The following ATPSCKMT variants were observed in gnomAD, a reference collection of about 807,000 sequenced individuals.
ATPSCKMT encodes ATP synthase c subunit lysine N-methyltransferase.
Under a neutral mutation model 24.3 loss-of-function variants are expected in ATPSCKMT, and 24 were observed. The observed-to-expected ratio is 0.99, with a 90% confidence interval of 0.71 to 1.39. The LOEUF (loss-of-function observed/expected upper bound fraction) is 1.39, where lower values mean the gene tolerates loss of function less well. ATPSCKMT is among the 40% of genes most tolerant of loss of function. ATPSCKMT has a pLI of 0.00. For missense variants in ATPSCKMT, 311 were observed against 298.4 expected, an observed-to-expected ratio of 1.04 and a Z score of -0.31; for synonymous variants, 95 against 110.5, an observed-to-expected ratio of 0.86 and a Z score of 0.88.
Position 10,227,366 on chromosome 5 carries a change from G to C in ATPSCKMT, c.*75C>G, listed in dbSNP as rs1579415886. ...AAACCAAAGACAATTATGCTCCTTT[G>C]CTAAGGACACAGCTGTAAGTCTCTA... On this transcript the variant is annotated 3_prime_UTR_variant, in exon 5 of 5. Transcript: ENST00000511437. 2.7e-6 allele frequency: 4 copies of C among 1,477,762 alleles called. No individual in the cohort carries two copies. In the East Asian group the frequency reaches 9.1e-5, roughly 34 times the overall value. The allele number at this position is 1,477,762 out of a possible 1,614,324, so 91.5% of individuals were successfully genotyped here.
chr5:10,235,257 G>A lies in ATPSCKMT; in HGVS notation c.449C>T (p.Thr150Ile). ...AACAACGTTCGAGTACTGCGAAAAA[G>A]TAACCTGAACAAGGTGGGAAAATAA... is the stretch of plus-strand genomic sequence containing the variant. ...KFYISDLWKV[T>I]FSQYSNVVIF... The change falls in exon 4 of 5, where the codon ACT (threonine) becomes ATT (isoleucine). Residue 150 changes from threonine to isoleucine, a missense_variant. Coordinates refer to ENST00000511437, the MANE Select transcript of ATPSCKMT (RefSeq NM_199133.4). 1.2e-6 allele frequency: 2 copies of A among 1,613,130 alleles called. No individual in the cohort carries two copies. The highest frequency in any genetic ancestry group is 1.7e-6 in the Non-Finnish European group (2 of 1,179,362).
chr5:10,235,162 C>A (rs770973695), intron 4 of ATPSCKMT, 49 bp downstream of exon 4: 1 of 1,592,954 alleles, frequency 6.3e-7, no homozygotes, highest in African/African-American at 1.3e-5. Context: ...CTGGAAGGGC[C>A]TTCAACATCA....
At chr5:10,232,641 C>G (rs1181813499) in intron 4 of ATPSCKMT, among the ~76,000 whole-genome samples, 1 of 152,244 alleles carries the variant, frequency 6.6e-6, no homozygotes, top group Non-Finnish European at 1.5e-5. Flanking sequence ...CCAGGGAGAC[C>G]ACAGTCAGAA....
intron 1 of ATPSCKMT, among the ~76,000 whole-genome samples, chr5:10,240,704 C>T (rs999963016): frequency 2.0e-5 from 3 of 152,088 alleles, no homozygotes; most frequent in South Asian, 2.1e-4. Context: ...CTTAAAATAA[C>T]ACCATTTATG....
intron 4 of ATPSCKMT, among the ~76,000 whole-genome samples, chr5:10,230,996 T>C (rs888889962): frequency 8.3e-6 from 1 of 120,446 alleles, no homozygotes; most frequent in Non-Finnish European, 2.0e-5. Context: ...CCAGACTCCT[T>C]CTCACCCACC....
intron 3 of ATPSCKMT, 72 bp downstream of exon 3, chr5:10,236,406 C>T: frequency 2.0e-6 from 3 of 1,513,010 alleles, no homozygotes; most frequent in Non-Finnish European, 2.7e-6. Context: ...TTTTTCAGTT[C>T]TCAGTCATAC....
At chr5:10,245,429 T>A (rs1253672649) in intron 1 of ATPSCKMT, among the ~76,000 whole-genome samples, 6 of 150,746 alleles carry the variant, frequency 4.0e-5, no homozygotes, top group African/African-American at 1.2e-4. Context: ...CAAAAAATAA[T>A]AATAAAATAA....
At position 10,235,238 on chromosome 5, in the gene ATPSCKMT, G is replaced by A. The variant is rs77838966; in HGVS notation, c.468C>T (p.Asn156=). Residue 156 remains asparagine, a synonymous_variant, in exon 4 of 5, where the codon AAC becomes AAT. Coordinates refer to ENST00000511437, the MANE Select transcript of ATPSCKMT (RefSeq NM_199133.4). ...TCTGAGGCACACCGAAAATAACAACGTTCGAGTACTGCGAAAAAGTAACCT... is the reference window on the plus strand; with the variant it reads ...TCTGAGGCACACCGAAAATAACAACATTCGAGTACTGCGAAAAAGTAACCT... The part of the protein sequence containing the change: ...LWKVTFSQYS[N]VVIFGVPQMM... 2,242 of 1,613,618 alleles carry A rather than the reference G, an allele frequency of 1.4e-3. 31 individuals are homozygous for A. In the African/African-American group the frequency reaches 0.026, roughly 19 times the overall value.
At chr5:10,229,921 C>T (rs1744046379) in intron 4 of ATPSCKMT, among the ~76,000 whole-genome samples, 1 of 152,234 alleles carries the variant, frequency 6.6e-6, no homozygotes, top group African/African-American at 2.4e-5. Flanking sequence ...TCCTTACATT[C>T]AGGCTTAACA....
chr5:10,227,527 C>G lies in ATPSCKMT; in HGVS notation c.616G>C (p.Val206Leu), dbSNP rs996739523. 1 of 1,614,106 alleles carries G rather than the reference C, an allele frequency of 6.2e-7. No individual in the cohort carries two copies. The highest frequency in any genetic ancestry group is 1.3e-5 in the African/African-American group (1 of 74,926). The stretch of plus-strand genomic sequence containing the variant: ...AAAGTGCTTGCATCATATGCCCACA[C>G]TGTGTCTATCCCCTCCCCCGTGACG... ...DHVTGEGIDT[V>L]WAYDASTFRG... is the part of the protein sequence containing the mutation. Residue 206 changes from valine (V) to leucine (L), a missense_variant, in exon 5 of 5, where the codon GTG becomes CTG. Val to Leu is a conservative substitution (Grantham distance 32). Coordinates refer to ENST00000511437, the MANE Select transcript of ATPSCKMT (RefSeq NM_199133.4).
intron 1 of ATPSCKMT, among the ~76,000 whole-genome samples, chr5:10,242,837 C>G (rs916426107): frequency 1.3e-5 from 2 of 152,216 alleles, no homozygotes; most frequent in African/African-American, 4.8e-5. Flanking sequence ...TGTACACCGC[C>G]ACCAGAGCAA....
chr5:10,240,599 G>A (rs1340205788), intron 1 of ATPSCKMT, among the ~76,000 whole-genome samples: 1 of 152,130 alleles, frequency 6.6e-6, no homozygotes, highest in East Asian at 1.9e-4. Context: ...TTGTGAGGAT[G>A]AAATGAGTGT....
chr5:10,239,186 G>A lies in ATPSCKMT; in HGVS notation c.187C>T (p.Leu63Phe). 1 of 1,614,194 alleles carries A rather than the reference G, an allele frequency of 6.2e-7. No individual in the cohort carries two copies. Among genetic ancestry groups the A allele is most frequent in the Non-Finnish European group, 8.5e-7 (1 of 1,180,044 alleles). The part of the protein sequence containing the change: ...AVATPFVTPA[L>F]RKVCLPFVPA... ...ACAAACGGCAAACAGACTTTTCGAA[G>A]GGCTGGCGTTACAAACGGCGTGGCT... Residue 63 changes from leucine (L) to phenylalanine (F), a missense_variant, in exon 2 of 5, where the codon CTT becomes TTT. Transcript: ENST00000511437.
rs1743926036 is a variant in ATPSCKMT, at chr5:10,227,339, C to G, written c.*102G>C. The G allele has an allele frequency of 7.1e-6, 9 of 1,261,686 alleles. No homozygotes were observed. The East Asian group carries it at 1.7e-4, about 23-fold the overall frequency. The allele number at this position is 1,261,686 out of a possible 1,614,324, so 78.2% of individuals were successfully genotyped here. A position where few individuals can be genotyped will look rare whatever the true frequency, so the allele number is the denominator to read the frequency against. ...AGGAAAGTAATAGTAATTTCTCATT[C>G]CAAACCAAAGACAATTATGCTCCTT... On this transcript the variant is annotated 3_prime_UTR_variant, in exon 5 of 5. Coordinates refer to ENST00000511437, the MANE Select transcript of ATPSCKMT (RefSeq NM_199133.4).
At chr5:10,240,706 C>A (rs1340563087) in intron 1 of ATPSCKMT, among the ~76,000 whole-genome samples, 1 of 152,044 alleles carries the variant, frequency 6.6e-6, no homozygotes, top group Non-Finnish European at 1.5e-5. Context: ...TAAAATAACA[C>A]CATTTATGGC....
chr5:10,230,981 G>A (rs1208688315), intron 4 of ATPSCKMT, among the ~76,000 whole-genome samples: 1 of 143,200 alleles, frequency 7.0e-6, no homozygotes, highest in Non-Finnish European at 1.6e-5. Flanking sequence ...CCTCTGGCCC[G>A]AACCCCAGAC....
intron 4 of ATPSCKMT, among the ~76,000 whole-genome samples, chr5:10,234,950 G>T (rs889748400): frequency 6.6e-6 from 1 of 152,224 alleles, no homozygotes; most frequent in Non-Finnish European, 1.5e-5. Flanking sequence ...TCAGAAAGCA[G>T]TTTCCAAACT....
At chr5:10,240,505 G>A (rs1447645981) in intron 1 of ATPSCKMT, among the ~76,000 whole-genome samples, 1 of 152,104 alleles carries the variant, frequency 6.6e-6, no homozygotes, top group Non-Finnish European at 1.5e-5. Flanking sequence ...TCCCAGCTCT[G>A]CCACCTCACT....
intron 1 of ATPSCKMT, among the ~76,000 whole-genome samples, chr5:10,243,106 A>G (rs1489553694): frequency 6.6e-6 from 1 of 152,244 alleles, no homozygotes; most frequent in Non-Finnish European, 1.5e-5. Context: ...CTGACCCCTA[A>G]CAAGAGAGTC....
Sources: allele counts gnomAD v4.1 joint callset (sites outside exome capture counted in the v4.1 genomes callset), GRCh38; gene constraint gnomAD v4.1.1; transcripts MANE v1.5; gene names NCBI Gene and HGNC (gene_info 2026-07-23, HGNC 2026-07-21).